The following ZNF599 variants were observed in gnomAD, a reference collection of about 807,000 sequenced individuals.
ZNF599 encodes zinc finger protein 599.
Under a neutral mutation model 11.7 loss-of-function variants are expected in ZNF599, and 10 were observed. The observed-to-expected ratio is 0.86, with a 90% CI of 0.53 to 1.45. ZNF599 has a LOEUF of 1.45. Ranked by LOEUF, ZNF599 falls within the 40% of genes most tolerant of loss-of-function variation. The pLI is 0.00. For synonymous variants in ZNF599, 232 were observed against 253.2 expected (o/e 0.92, Z 0.79); for missense variants, 688 against 713.6 (o/e 0.96, Z 0.41).
At chr19:34,802,990 A>T in the ZNF599 span, among the ~76,000 whole-genome samples, 1 of 152,218 alleles carries the variant, frequency 6.6e-6, no homozygotes, top group Admixed American at 6.5e-5. Context: ...GGACATAAAT[A>T]GTGACCATGT....
At chr19:34,771,267 T>TA (rs2069182263) in intron 1 of ZNF599, among the ~76,000 whole-genome samples, 1 of 152,006 alleles carries the variant, frequency 6.6e-6, no homozygotes, top group Admixed American at 6.6e-5. Flanking sequence ...AATAAATAAA[T>TA]AAAAAATGTA....
At chr19:34,785,657 C>T in the ZNF599 span, among the ~76,000 whole-genome samples, 2 of 152,184 alleles carry the variant, frequency 1.3e-5, no homozygotes, top group Non-Finnish European at 2.9e-5. Context: ...GGCCCTTCCA[C>T]TTACCTGCAC....
At chr19:34,800,509 T>A in the ZNF599 span, among the ~76,000 whole-genome samples, 1 of 152,132 alleles carries the variant, frequency 6.6e-6, no homozygotes, top group Non-Finnish European at 1.5e-5. Flanking sequence ...TTTTTTCCAC[T>A]ATGTCCAGTC....
the ZNF599 span, among the ~76,000 whole-genome samples, chr19:34,794,064 A>T: frequency 6.6e-6 from 1 of 152,228 alleles, no homozygotes; most frequent in Non-Finnish European, 1.5e-5. Flanking sequence ...GTCACATCTC[A>T]TGTGGATGGC....
chr19:34,778,139 C>A (rs537782942), upstream of ZNF599, among the ~76,000 whole-genome samples: 21 of 151,820 alleles, frequency 1.4e-4, no homozygotes, highest in African/African-American at 4.8e-4. Flanking sequence ...TTAGTGACAC[C>A]TCAATAGAGC....
upstream of ZNF599, among the ~76,000 whole-genome samples, chr19:34,775,135 G>A (rs2069212088): frequency 6.6e-6 from 1 of 152,166 alleles, no homozygotes; most frequent in East Asian, 1.9e-4. Flanking sequence ...TGTACAGCCT[G>A]CAGAACTGTG....
the ZNF599 span, among the ~76,000 whole-genome samples, chr19:34,782,805 C>T: frequency 2.0e-5 from 3 of 152,298 alleles, no homozygotes; most frequent in South Asian, 2.1e-4. Flanking sequence ...CTCTGAGCCT[C>T]GTCAAACAGC....
the ZNF599 span, among the ~76,000 whole-genome samples, chr19:34,804,016 C>A: frequency 1.2e-4 from 18 of 152,322 alleles, no homozygotes; most frequent in African/African-American, 4.3e-4. Context: ...GAATCTAGTA[C>A]TTCCCCAAGA....
chr19:34,795,168 G>A, the ZNF599 span, among the ~76,000 whole-genome samples: 433 of 152,330 alleles, frequency 2.8e-3, 2 homozygotes, highest in Middle Eastern at 0.01. Context: ...AAAGGCCATA[G>A]TAAGAGTAAA....
At chr19:34,805,200 T>G in the ZNF599 span, among the ~76,000 whole-genome samples, 1 of 149,082 alleles carries the variant, frequency 6.7e-6, no homozygotes, top group Non-Finnish European at 1.5e-5. Flanking sequence ...GTGCTACCTT[T>G]TTTTTTTTTT....
At chr19:34,771,354 C>T (rs1308106026) in intron 1 of ZNF599, among the ~76,000 whole-genome samples, 8 of 152,226 alleles carry the variant, frequency 5.3e-5, no homozygotes, top group African/African-American at 1.2e-4. Context: ...TCTGAGTCTC[C>T]GGTTCCTCTT....
chr19:34,764,454 C>A (rs2069130282), intron 3 of ZNF599: 1 of 152,074 alleles, frequency 6.6e-6, no homozygotes, highest in South Asian at 2.1e-4. Flanking sequence ...GGGTTTATAT[C>A]CAACAAAAAA....
chr19:34,806,002 AC>A, the ZNF599 span, among the ~76,000 whole-genome samples: 30 of 152,098 alleles, frequency 2.0e-4, no homozygotes, highest in African/African-American at 7.2e-4. Flanking sequence ...TTCTCAAGCA[AC>A]CCCAGTCTCA....
At chr19:34,779,606 C>G in the ZNF599 span, 1 of 390,250 alleles carries the variant, frequency 2.6e-6, no homozygotes, top group South Asian at 1.9e-5. Flanking sequence ...GGCAGGGTCT[C>G]CAACTCACAT....
At chr19:34,805,655 C>G in the ZNF599 span, among the ~76,000 whole-genome samples, 2 of 152,150 alleles carry the variant, frequency 1.3e-5, no homozygotes, top group East Asian at 3.9e-4. Flanking sequence ...TGCCTCCTCC[C>G]TCACTCTCAA....
Position 34,772,807 on chromosome 19 carries a change from C to T in ZNF599, c.18+17G>A. 6.5e-7 allele frequency: 1 copy of T among 1,532,648 alleles called. No homozygotes were observed. Among genetic ancestry groups the T allele is most frequent in the Non-Finnish European group, 8.7e-7 (1 of 1,143,150 alleles). 94.9% of individuals were successfully genotyped at this position (1,532,648 alleles called of 1,614,324 possible). A position where few individuals can be genotyped will look rare whatever the true frequency, so the allele number is the denominator to read the frequency against. On this transcript the variant is annotated intron_variant, in intron 1 of 3. Transcript: ENST00000329285. ...CGGTGACCCGAGCTCGCGCGGGCTG[C>T]GGAACCCTCCACTCACCAACGCCGG...
intron 1 of ZNF599, 173 bp downstream of exon 1, chr19:34,772,651 C>T: frequency 7.1e-7 from 1 of 1,407,644 alleles, no homozygotes; most frequent in Middle Eastern, 1.8e-4. Flanking sequence ...GATTCAGGAC[C>T]CTGGGTAGGA....
chr19:34,777,692 G>C (rs867222499), upstream of ZNF599, among the ~76,000 whole-genome samples: 13 of 148,964 alleles, frequency 8.7e-5, no homozygotes, highest in Admixed American at 4.8e-4. Context: ...TGAACCCAGA[G>C]AGCATTATGC....
the ZNF599 span, among the ~76,000 whole-genome samples, chr19:34,797,376 G>A: frequency 6.6e-6 from 1 of 152,040 alleles, no homozygotes; most frequent in Admixed American, 6.6e-5. Context: ...CTAGATCCCT[G>A]AGGAATCGCC....
Sources: gnomAD v4.1 joint callset for allele counts (sites outside exome capture counted in the v4.1 genomes callset) on GRCh38, gnomAD v4.1.1 for gene constraint, MANE v1.5 for transcripts, NCBI Gene and HGNC (gene_info 2026-07-23, HGNC 2026-07-21) for gene names.